SPON1: variants seen among roughly 807,000 people sequenced by gnomAD.
SPON1 encodes spondin-1.
Under a neutral mutation model 111.7 loss-of-function variants are expected in SPON1, and 52 were observed. That is an observed-to-expected ratio of 0.47 (90% CI 0.37 to 0.59). SPON1 has a LOEUF of 0.59. Ranked by LOEUF, SPON1 falls within the 20% of genes least tolerant of loss-of-function variation. The pLI is 0.00. For synonymous variants in SPON1, 410 were observed against 395.8 expected (o/e 1.04, Z -0.43); for missense variants, 957 against 1,068.5 (o/e 0.90, Z 1.46).
intron 3 of SPON1, among the ~76,000 whole-genome samples, chr11:14,067,932 C>T (rs1395535148): frequency 2.0e-5 from 3 of 152,214 alleles, no homozygotes; most frequent in Admixed American, 6.5e-5. Context: ...TGGTATCACA[C>T]AAACAATAGC....
chr11:14,192,817 T>A lies in SPON1; in HGVS notation c.826-50515T>A, dbSNP rs111689242. ...GGGAGAACATCAAATTCTAGTCCAA[T>A]ATAGTCCAAACTGAGGAATAAAATG... On this transcript the variant is annotated intron_variant, in intron 6 of 15. Coordinates refer to ENST00000576479, the MANE Select transcript of SPON1 (RefSeq NM_006108.4). Among the ~76,000 whole-genome samples the A allele has an allele frequency of 3.6e-3, 542 of 149,578 alleles. 2 individuals are homozygous for A. Among genetic ancestry groups the A allele is most frequent in the Non-Finnish European group, 5.8e-3 (395 of 67,688 alleles).
intron 6 of SPON1, among the ~76,000 whole-genome samples, chr11:14,142,901 G>A (rs1554928927): frequency 2.6e-5 from 4 of 152,136 alleles, no homozygotes; most frequent in Admixed American, 6.5e-5. Flanking sequence ...AGGCTGAGAC[G>A]ACCACTAACT....
intron 6 of SPON1, among the ~76,000 whole-genome samples, chr11:14,169,147 G>A (rs371600194): frequency 2.4e-4 from 36 of 151,984 alleles, no homozygotes; most frequent in East Asian, 5.8e-4. Context: ...ATTTCTCCAC[G>A]TCCTCTCCAG....
Position 14,254,717 on chromosome 11 carries a change from G to T in SPON1, c.1080G>T (p.Gly360=). The stretch of plus-strand genomic sequence containing the variant: ...CCTGGGACGCTGGCACCGACAGCGG[G>T]GTGACCTATGAGGTGTGTGTGTGTG... ...LIPWDAGTDS[G]VTYESPNKPT... Residue 360 remains glycine (G), a synonymous_variant, in exon 8 of 16, where the codon GGG becomes GGT. Transcript: ENST00000576479. 6.2e-7 allele frequency: 1 copy of T among 1,613,778 alleles called. No individual in the cohort carries two copies. The highest frequency in any genetic ancestry group is 8.5e-7 in the Non-Finnish European group (1 of 1,179,860).
At chr11:14,137,240 A>C (rs1847603133) in intron 6 of SPON1, among the ~76,000 whole-genome samples, 3 of 152,302 alleles carry the variant, frequency 2.0e-5, no homozygotes, top group South Asian at 4.1e-4. Flanking sequence ...TTGAAAACTC[A>C]TGGATGGGAC....
chr11:14,257,343 A>T (rs1381149953), intron 10 of SPON1, among the ~76,000 whole-genome samples: 1 of 152,234 alleles, frequency 6.6e-6, no homozygotes, highest in African/African-American at 2.4e-5. Flanking sequence ...ACAACTGTGT[A>T]TGGGATCATT....
intron 2 of SPON1, among the ~76,000 whole-genome samples, chr11:14,025,688 G>T (rs913881800): frequency 2.0e-5 from 3 of 152,130 alleles, no homozygotes; most frequent in Non-Finnish European, 4.4e-5. Context: ...GGAGGGTGCA[G>T]CCTATCAGAC....
At chr11:13,973,990 C>T (rs1226187442) in intron 1 of SPON1, among the ~76,000 whole-genome samples, 1 of 152,198 alleles carries the variant, frequency 6.6e-6, no homozygotes, top group Admixed American at 6.5e-5. Flanking sequence ...AGGGGAACAG[C>T]ATAATCCAAC....
chr11:14,044,762 A>C (rs767833160), intron 3 of SPON1, among the ~76,000 whole-genome samples: 2 of 152,216 alleles, frequency 1.3e-5, no homozygotes, highest in Non-Finnish European at 2.9e-5. Context: ...ACATAGTTTC[A>C]TTCCTGTGGG....
At chr11:14,116,824 T>TA (rs1486241808) in intron 5 of SPON1, among the ~76,000 whole-genome samples, 3 of 152,186 alleles carry the variant, frequency 2.0e-5, no homozygotes, top group Non-Finnish European at 2.9e-5. Flanking sequence ...TTTACATTAT[T>TA]AAATCTTTCA....
At chr11:14,031,990 A>T (rs7926622) in intron 2 of SPON1, among the ~76,000 whole-genome samples, 2,969 of 152,312 alleles carry the variant, frequency 0.019, 92 homozygotes, top group African/African-American at 0.067. Context: ...TGTCAAATTT[A>T]GCTAAGGGGG....
At chr11:14,174,657 CAAAAAAAAG>C (rs1465335549) in intron 6 of SPON1, among the ~76,000 whole-genome samples, 62 of 126,246 alleles carry the variant, frequency 4.9e-4, no homozygotes, top group African/African-American at 1.2e-3. Context: ...TGTGGCAAGA[CAAAAAAAAG>C]AAAAAAAAGA....
chr11:14,093,336 A>G (rs1017372139), intron 5 of SPON1, among the ~76,000 whole-genome samples: 1 of 152,198 alleles, frequency 6.6e-6, no homozygotes, highest in African/African-American at 2.4e-5. Flanking sequence ...AGGAATTGGG[A>G]GTTACCTAAA....
intron 5 of SPON1, among the ~76,000 whole-genome samples, chr11:14,084,505 T>C (rs1372875864): frequency 6.6e-6 from 1 of 152,228 alleles, no homozygotes; most frequent in Non-Finnish European, 1.5e-5. Context: ...TGCATAGTAT[T>C]CCATGGTGTA....
intron 6 of SPON1, among the ~76,000 whole-genome samples, chr11:14,233,723 T>C (rs1352732279): frequency 1.3e-5 from 2 of 151,076 alleles, no homozygotes; most frequent in African/African-American, 4.9e-5. Flanking sequence ...GGGATGGGAA[T>C]CATGGTTGAG....
intron 2 of SPON1, among the ~76,000 whole-genome samples, chr11:14,005,018 A>G (rs1848348105): frequency 6.6e-6 from 1 of 152,182 alleles, no homozygotes; most frequent in African/African-American, 2.4e-5. Context: ...TGTGTTGCCC[A>G]GGCTATGCCT....
At chr11:14,026,377 C>T (rs1249804598) in intron 2 of SPON1, among the ~76,000 whole-genome samples, 1 of 152,022 alleles carries the variant, frequency 6.6e-6, no homozygotes, top group Non-Finnish European at 1.5e-5. Flanking sequence ...TTGGTATTTC[C>T]CAAGGGTGTA....
chr11:14,006,528 T>C (rs1181606134), intron 2 of SPON1, among the ~76,000 whole-genome samples: 1 of 152,178 alleles, frequency 6.6e-6, no homozygotes, highest in Non-Finnish European at 1.5e-5. Flanking sequence ...TAACAACTGA[T>C]GAGTTGAATG....
At chr11:14,169,941 C>G (rs1385172015) in intron 6 of SPON1, among the ~76,000 whole-genome samples, 1 of 152,162 alleles carries the variant, frequency 6.6e-6, no homozygotes, top group African/African-American at 2.4e-5. Flanking sequence ...ATGCCTCCAG[C>G]TTTGTTCTTT....
Sources: allele counts gnomAD v4.1 joint callset (sites outside exome capture counted in the v4.1 genomes callset), GRCh38; gene constraint gnomAD v4.1.1; transcripts MANE v1.5; gene names NCBI Gene and HGNC (gene_info 2026-07-23, HGNC 2026-07-21).